MGLL: variants seen among roughly 807,000 people sequenced by gnomAD.
The protein encoded by MGLL is lysophospholipase homolog.
A neutral mutation model predicts 29.1 loss-of-function variants in MGLL; 7 were observed. The observed-to-expected ratio is 0.24, with a 90% confidence interval of 0.14 to 0.45. The LOEUF (loss-of-function observed/expected upper bound fraction) is 0.45, where lower values mean the gene tolerates loss of function less well. Ranked by LOEUF, MGLL falls within the 20% of genes least tolerant of loss-of-function variation. The probability of loss-of-function intolerance (pLI) is 0.99; values close to 1 mark genes in which losing one functional copy is unlikely to be tolerated. For synonymous variants in MGLL, 148 were observed against 168.3 expected, an observed-to-expected ratio of 0.88 and a Z score of 0.93; for missense variants, 356 against 413.6, an observed-to-expected ratio of 0.86 and a Z score of 1.21.
intron 3 of MGLL, among the ~76,000 whole-genome samples, chr3:127,780,840 G>C (rs1252346422): frequency 6.6e-6 from 1 of 152,182 alleles, no homozygotes; most frequent in Non-Finnish European, 1.5e-5. Context: ...CTGGATCTGG[G>C]CCACAATGAT....
intron 2 of MGLL, among the ~76,000 whole-genome samples, chr3:127,805,283 A>G (rs931587940): frequency 6.6e-6 from 1 of 152,224 alleles, no homozygotes; most frequent in Admixed American, 6.5e-5. Flanking sequence ...TCAGGAATTT[A>G]TTGAGAATGC....
intron 3 of MGLL, among the ~76,000 whole-genome samples, chr3:127,754,083 G>T (rs374802924): frequency 1.3e-5 from 2 of 152,184 alleles, no homozygotes; most frequent in Admixed American, 6.5e-5. Flanking sequence ...GTGGTGGCCC[G>T]CTGGGGCCTG....
intron 3 of MGLL, among the ~76,000 whole-genome samples, chr3:127,758,920 C>A (rs1338510893): frequency 2.6e-5 from 3 of 114,186 alleles, no homozygotes; most frequent in Admixed American, 2.4e-4. Flanking sequence ...TTTTTCTTTT[C>A]TTTTCTTTTT....
chr3:127,821,499 C>T (rs562456126), intron 2 of MGLL, among the ~76,000 whole-genome samples, 195 bp downstream of exon 2: 26 of 152,154 alleles, frequency 1.7e-4, no homozygotes, highest in Non-Finnish European at 3.5e-4. Context: ...AAAAAGAATT[C>T]CTGCTTCTTA....
intron 3 of MGLL, among the ~76,000 whole-genome samples, chr3:127,731,697 G>A (rs56686069): frequency 0.011 from 1,729 of 152,180 alleles, 43 homozygotes; most frequent in African/African-American, 0.039. Context: ...TCTTCCCCTC[G>A]GAAGCCACAA....
At chr3:127,742,727 G>C (rs941614672) in intron 3 of MGLL, among the ~76,000 whole-genome samples, 2 of 151,956 alleles carry the variant, frequency 1.3e-5, no homozygotes, top group African/African-American at 4.8e-5. Context: ...GAGAGAGAGA[G>C]CCGTATCACT....
At chr3:127,736,293 AC>A in intron 3 of MGLL, 1 of 985,978 alleles carries the variant, frequency 1.0e-6, no homozygotes, top group Non-Finnish European at 1.2e-6. Flanking sequence ...ATATTTTTTA[AC>A]AAGAAGTGAA....
intron 2 of MGLL, among the ~76,000 whole-genome samples, chr3:127,799,826 G>T (rs1456551693): frequency 1.3e-5 from 2 of 152,160 alleles, no homozygotes; most frequent in East Asian, 3.9e-4. Flanking sequence ...ACTGTCCTGT[G>T]GTAGCCCAGT....
chr3:127,796,786 T>C (rs2107730983), intron 2 of MGLL, among the ~76,000 whole-genome samples: 1 of 152,330 alleles, frequency 6.6e-6, no homozygotes, highest in South Asian at 2.1e-4. Flanking sequence ...ACCCTGAAGT[T>C]ATTCAACTAG....
In MGLL at chr3:127,782,047, C is replaced by A. The variant is rs181104062; in HGVS notation, c.156-152G>T. The A allele has an allele frequency of 4.2e-6, 3 of 715,386 alleles. No homozygotes were observed. In the African/African-American group the frequency reaches 5.3e-5, roughly 13 times the overall value. The allele number at this position is 715,386 out of a possible 1,614,324, so 44.3% of individuals were successfully genotyped here. ...ACCAGCCTGACCAACATAGTGAAAC[C>A]CCACCTCTACTGAAATACAAAAAAA... On this transcript the variant is annotated intron_variant, in intron 2 of 7. Coordinates refer to ENST00000265052, the MANE Select transcript of MGLL (RefSeq NM_007283.7).
Position 127,722,410 on chromosome 3 carries a change from G to A in MGLL, c.399+20C>T, listed in dbSNP as rs755899651. ...GGAAGCCAGGGTGGATTTAACCTGG[G>A]TCTTCTGTGGTCTGCTTACCATGGA... On this transcript the variant is annotated intron_variant, in intron 4 of 7. Transcript: ENST00000265052. 1.7e-5 allele frequency: 27 copies of A among 1,614,100 alleles called. No homozygotes were observed. Among genetic ancestry groups the A allele is most frequent in the Non-Finnish European group, 2.2e-5 (26 of 1,180,036 alleles).
chr3:127,728,873 A>G (rs1044020553), intron 3 of MGLL, among the ~76,000 whole-genome samples: 3 of 152,120 alleles, frequency 2.0e-5, no homozygotes, highest in African/African-American at 7.2e-5. Flanking sequence ...TTCTCTTGGC[A>G]TGACCAGCAG....
intron 3 of MGLL, among the ~76,000 whole-genome samples, chr3:127,776,178 C>G (rs768468520): frequency 6.6e-6 from 1 of 152,174 alleles, no homozygotes; most frequent in Admixed American, 6.5e-5. Flanking sequence ...CTCCTGGTGG[C>G]CTTCCATCCT....
Position 127,781,868 on chromosome 3 carries a change from G to A in MGLL, c.183C>T (p.Ala61=), listed in dbSNP as rs1427537768. Residue 61 remains alanine (A), a synonymous_variant, in exon 3 of 8, where the codon GCC becomes GCT. Coordinates refer to ENST00000265052, the MANE Select transcript of MGLL (RefSeq NM_007283.7). ...PKALIFVSHG[A]GEHSGRYEEL... is the part of the protein sequence containing the mutation. ...CTTCATAGCGGCCACTGTGCTCTCC[G>A]GCTCCATGGGACACAAAGATGAGGG... 5.6e-6 allele frequency: 9 copies of A among 1,613,982 alleles called. No homozygotes were observed. The South Asian group carries it at 6.6e-5, about 12-fold the overall frequency.
chr3:127,689,115 C>T lies in MGLL; in HGVS notation c.*3083G>A, dbSNP rs534484115. The stretch of plus-strand genomic sequence containing the variant: ...GATTAGCTGTAGTGTACACTGATTC[C>T]TTTAGCTCTAAATGGATACATATGT... On this transcript the variant is annotated 3_prime_UTR_variant, in exon 8 of 8. Transcript: ENST00000265052. 2.0e-5 allele frequency: 3 copies of T among 152,352 alleles called. No individual in the cohort carries two copies. In the South Asian group the frequency reaches 6.2e-4, roughly 32 times the overall value. 9.4% of individuals were successfully genotyped at this position (152,352 alleles called of 1,614,324 possible).
chr3:127,726,190 A>AAAGAAAGAAAGAAAAGAAAAG (rs1553758469), intron 3 of MGLL, among the ~76,000 whole-genome samples: 1 of 74,274 alleles, frequency 1.3e-5, no homozygotes, highest in African/African-American at 5.2e-5. Context: ...GAAAGAAAAG[A>AAAGAAAGAAAGAAAAGAAAAG]AAAGAAAGAA....
intron 2 of MGLL, among the ~76,000 whole-genome samples, chr3:127,808,095 T>A (rs1423926110): frequency 1.3e-5 from 2 of 152,110 alleles, no homozygotes; most frequent in Non-Finnish European, 2.9e-5. Flanking sequence ...GAGTCTAGCT[T>A]TCTTATCAAA....
chr3:127,715,863 C>G, intron 5 of MGLL: 1 of 455,238 alleles, frequency 2.2e-6, no homozygotes, highest in Non-Finnish European at 4.4e-6. Context: ...CCAAAAAGGA[C>G]GTGGAATCCA....
intron 2 of MGLL, among the ~76,000 whole-genome samples, chr3:127,790,904 C>T (rs1241196848): frequency 3.9e-5 from 6 of 152,124 alleles, no homozygotes; most frequent in Admixed American, 3.3e-4. Flanking sequence ...CGAGTTCCCC[C>T]GTGGGCTGGT....
Sources: gnomAD v4.1 joint callset for allele counts (sites outside exome capture counted in the v4.1 genomes callset) on GRCh38, gnomAD v4.1.1 for gene constraint, MANE v1.5 for transcripts, NCBI Gene and HGNC (gene_info 2026-07-23, HGNC 2026-07-21) for gene names.